The following CAPN2 variants were observed in gnomAD, a reference collection of about 807,000 sequenced individuals.
The protein encoded by CAPN2 is calpain-2 catalytic subunit.
CAPN2 carries 92 observed loss-of-function variants against 102.3 expected under a neutral mutation model. The ratio of observed to expected loss-of-function variants is 0.90; its 90% CI spans 0.76 to 1.07. CAPN2 has a LOEUF of 1.07. CAPN2 is among the 50% of genes least tolerant of loss of function. The probability of loss-of-function intolerance (pLI) is 0.00; values close to 1 mark genes in which losing one functional copy is unlikely to be tolerated. For synonymous variants in CAPN2, 340 were observed against 355.4 expected (o/e 0.96, Z 0.49); for missense variants, 800 against 909.4 (o/e 0.88, Z 1.55).
chr1:223,759,199 A>G lies in CAPN2; in HGVS notation c.1318-71A>G, dbSNP rs1271177269. 7.1e-7 allele frequency: 1 copy of G among 1,405,220 alleles called. No individual in the cohort carries two copies. Among genetic ancestry groups the G allele is most frequent in the South Asian group, 1.2e-5 (1 of 85,410 alleles). 87.0% of individuals were successfully genotyped at this position (1,405,220 alleles called of 1,614,324 possible). On this transcript the variant is annotated intron_variant, in intron 11 of 20. Coordinates refer to ENST00000295006, the MANE Select transcript of CAPN2 (RefSeq NM_001748.5). The surrounding 1 kb of genome is among the most constrained non-coding windows in gnomAD (Gnocchi z 4.6). ...CACACTACCCAACTGCTTTTATCTCAGTGAATGAAAATGATACTTGCCTGG... is the reference window on the plus strand; with the variant it reads ...CACACTACCCAACTGCTTTTATCTCGGTGAATGAAAATGATACTTGCCTGG...
rs1298043722 is a variant in CAPN2 at position 223,731,571 on chromosome 1, G to A, written c.308-12529G>A. Among the ~76,000 whole-genome samples the A allele has an allele frequency of 2.0e-5, 3 of 152,178 alleles. No homozygotes were observed. The highest frequency in any genetic ancestry group is 7.2e-5 in the African/African-American group (3 of 41,424). ...CAACCAGTTTCCACGTCTGTCTCCT[G>A]CCGGCTGTGAGCTCACTGCCTCAGA... On this transcript the variant is annotated intron_variant, in intron 2 of 20. Transcript: ENST00000295006. The surrounding 1 kb of genome is among the most constrained non-coding windows in gnomAD (Gnocchi z 4.2).
chr1:223,763,204 A>G (rs1661231575), intron 14 of CAPN2, among the ~76,000 whole-genome samples: 1 of 133,322 alleles, frequency 7.5e-6, no homozygotes, highest in African/African-American at 3.1e-5. Flanking sequence ...CAACAACTCC[A>G]AAAAAAAAAA....
At chr1:223,720,766 A>T (rs1018397537) in intron 2 of CAPN2, among the ~76,000 whole-genome samples, 2 of 151,612 alleles carry the variant, frequency 1.3e-5, no homozygotes, top group Non-Finnish European at 2.9e-5. Context: ...CTGTACAGAT[A>T]AAAAAAAACT....
rs34894876 is a variant in CAPN2 at position 223,722,281 on chromosome 1, CTTTTTTTT to C, written c.307+4467_307+4474del. 1.7e-3 allele frequency among the ~76,000 whole-genome samples: 146 copies of C among 85,506 alleles called. 2 individuals carry two copies. The highest frequency in any genetic ancestry group is 1.1e-3 in the South Asian group (2 of 1,886). The allele number at this position is 85,506 out of a possible 152,430, so 56.1% of individuals were successfully genotyped here. The stretch of plus-strand genomic sequence containing the variant: ...TTCCTTTCTTTCTTTTTCTTTCTTT[CTTTTTTTT>C]TTTTTTTTTTTTTTTTGAGACAGGG... On this transcript the variant is annotated intron_variant, in intron 2 of 20. Coordinates refer to ENST00000295006, the MANE Select transcript of CAPN2 (RefSeq NM_001748.5).
rs1034176587 is a variant in CAPN2 at position 223,726,833 on chromosome 1, T to C, written c.307+9002T>C. ...GAATTCCACTTTGGGGGTATCCTTT[T>C]CTGGGCTGCTGCCAGACTCTGAAAT... On this transcript the variant is annotated intron_variant, in intron 2 of 20. Coordinates refer to ENST00000295006, the MANE Select transcript of CAPN2 (RefSeq NM_001748.5). The surrounding 1 kb of genome is among the most constrained non-coding windows in gnomAD (Gnocchi z 4.4). Among the ~76,000 whole-genome samples the C allele has an allele frequency of 5.3e-5, 8 of 152,188 alleles. No homozygotes were observed. Among genetic ancestry groups the C allele is most frequent in the African/African-American group, 1.9e-4 (8 of 41,442 alleles).
chr1:223,768,602 G>A (rs1661395577), intron 16 of CAPN2, among the ~76,000 whole-genome samples: 1 of 151,762 alleles, frequency 6.6e-6, no homozygotes, highest in Non-Finnish European at 1.5e-5. Context: ...TTGTAGTATA[G>A]TTTGAAGTCA....
chr1:223,742,867 A>C (rs1660659490), intron 2 of CAPN2, among the ~76,000 whole-genome samples: 1 of 152,218 alleles, frequency 6.6e-6, no homozygotes, highest in African/African-American at 2.4e-5. Flanking sequence ...AAATAAATCC[A>C]ACAGTGAATT....
At chr1:223,747,812 G>T (rs1038917798) in intron 5 of CAPN2, among the ~76,000 whole-genome samples, 1 of 152,136 alleles carries the variant, frequency 6.6e-6, no homozygotes. Flanking sequence ...AGATCTTGAG[G>T]CTTCTTCAGT....
intron 1 of CAPN2, among the ~76,000 whole-genome samples, chr1:223,703,961 T>C (rs1039035977): frequency 6.6e-6 from 1 of 152,144 alleles, no homozygotes; most frequent in African/African-American, 2.4e-5. Flanking sequence ...CTCATGAACA[T>C]CTCATGAAAC....
chr1:223,752,114 A>G lies in CAPN2; in HGVS notation c.974+43A>G, dbSNP rs147462586. 269 of 1,370,390 alleles carry G rather than the reference A, an allele frequency of 2.0e-4. No individual in the cohort carries two copies. In the African/African-American group the frequency reaches 3.4e-3, roughly 17 times the overall value. The allele number at this position is 1,370,390 out of a possible 1,614,324, so 84.9% of individuals were successfully genotyped here. A position where few individuals can be genotyped will look rare whatever the true frequency, so the allele number is the denominator to read the frequency against. On this transcript the variant is annotated intron_variant, in intron 8 of 20. Coordinates refer to ENST00000295006, the MANE Select transcript of CAPN2 (RefSeq NM_001748.5). ...TTCAGGGAAAGCTCTGTCTGCCCCAATGTTCTTTACTAGAAAACTGCTAAT... is the reference window on the plus strand; with the variant it reads ...TTCAGGGAAAGCTCTGTCTGCCCCAGTGTTCTTTACTAGAAAACTGCTAAT...
chr1:223,751,101 C>T (rs1224792772), intron 7 of CAPN2, 126 bp downstream of exon 7: 5 of 857,794 alleles, frequency 5.8e-6, no homozygotes, highest in Admixed American at 2.1e-5. Context: ...GCCCAGGCCA[C>T]GTGGACAGGG....
chr1:223,751,125 G>A, intron 7 of CAPN2, 150 bp downstream of exon 7: 1 of 702,292 alleles, frequency 1.4e-6, no homozygotes, highest in Admixed American at 2.5e-5. Context: ...CGTGGACAGG[G>A]GCCCCTCAAA....
Position 223,754,362 on chromosome 1 carries a change from C to G in CAPN2, c.1136-1118C>G, listed in dbSNP as rs985550906. 1.3e-5 allele frequency among the ~76,000 whole-genome samples: 2 copies of G among 152,212 alleles called. No homozygotes were observed. The highest frequency in any genetic ancestry group is 4.8e-5 in the African/African-American group (2 of 41,448). On this transcript the variant is annotated intron_variant, in intron 9 of 20. Transcript: ENST00000295006. The surrounding 1 kb of genome is among the most constrained non-coding windows in gnomAD (Gnocchi z 4.7). Reference sequence around the variant, plus strand: ...CCCCCCACAAGGGACCCCTCCTACCCACTAGATCAGGAGTCGGAAAACTCC... The same window carrying G: ...CCCCCCACAAGGGACCCCTCCTACCGACTAGATCAGGAGTCGGAAAACTCC...
intron 2 of CAPN2, among the ~76,000 whole-genome samples, chr1:223,742,801 G>A (rs1438744824): frequency 2.0e-5 from 3 of 152,182 alleles, no homozygotes; most frequent in Admixed American, 1.3e-4. Flanking sequence ...GATTACAGGC[G>A]TGAGCCGCTG....
At chr1:223,705,891 G>C (rs913789460) in intron 1 of CAPN2, among the ~76,000 whole-genome samples, 1 of 152,294 alleles carries the variant, frequency 6.6e-6, no homozygotes, top group Admixed American at 6.5e-5. Context: ...TATAACAACC[G>C]TGTGAACTAT....
In CAPN2 at chr1:223,754,683, G is replaced by A. The variant is rs576912004; in HGVS notation, c.1136-797G>A. On this transcript the variant is annotated intron_variant, in intron 9 of 20. Coordinates refer to ENST00000295006, the MANE Select transcript of CAPN2 (RefSeq NM_001748.5). The surrounding 1 kb of genome is among the most constrained non-coding windows in gnomAD (Gnocchi z 4.7). ...AATCTTAGATTTTTTAAATAAATAGGTTTTGGAAGTAAAGAGGGCAGAGAC... is the reference window on the plus strand; with the variant it reads ...AATCTTAGATTTTTTAAATAAATAGATTTTGGAAGTAAAGAGGGCAGAGAC... 6.6e-6 allele frequency among the ~76,000 whole-genome samples: 1 copy of A among 152,300 alleles called. No individual in the cohort carries two copies. The highest frequency in any genetic ancestry group is 2.4e-5 in the African/African-American group (1 of 41,564).
chr1:223,770,723 C>G, intron 18 of CAPN2, 198 bp downstream of exon 18: 1 of 419,760 alleles, frequency 2.4e-6, no homozygotes, highest in East Asian at 4.4e-5. Flanking sequence ...GCTCTGCCCT[C>G]TGTGCCTTCT....
At chr1:223,772,062 G>A in intron 19 of CAPN2, 119 bp from the exon 20 acceptor site, 2 of 1,122,996 alleles carry the variant, frequency 1.8e-6, no homozygotes, top group Non-Finnish European at 2.7e-6. Flanking sequence ...TTACTAATTT[G>A]AGGGTGAGGA....
At chr1:223,742,496 GTGTATATA>G (rs1282294128) in intron 2 of CAPN2, among the ~76,000 whole-genome samples, 3 of 105,292 alleles carry the variant, frequency 2.8e-5, no homozygotes, top group Admixed American at 1.0e-4. Flanking sequence ...ATATATATGT[GTGTATATA>G]TATATATATA....
Sources: gnomAD v4.1 joint callset for allele counts (sites outside exome capture counted in the v4.1 genomes callset) on GRCh38, gnomAD v4.1.1 for gene constraint, Gnocchi (gnomAD v3.1) non-coding constraint, MANE v1.5 for transcripts, NCBI Gene and HGNC (gene_info 2026-07-23, HGNC 2026-07-21) for gene names.